PRRC2B: variants seen among roughly 807,000 people sequenced by gnomAD.
PRRC2B encodes proline rich coiled-coil 2B, also known as protein PRRC2B.
PRRC2B carries 68 observed loss-of-function variants against 242.3 expected under a neutral mutation model. The ratio of observed to expected loss-of-function variants is 0.28; its 90% CI spans 0.23 to 0.34. The LOEUF (loss-of-function observed/expected upper bound fraction) is 0.34, where lower values mean the gene tolerates loss of function less well. Ranked by LOEUF, PRRC2B falls within the 10% of genes least tolerant of loss-of-function variation. PRRC2B has a pLI of 1.00. For synonymous variants in PRRC2B, 1,228 were observed against 1,173.6 expected (o/e 1.05, Z -0.95); for missense variants, 2,835 against 2,954.8 (o/e 0.96, Z 0.94).
chr9:131,391,930 G>A (rs544038353), upstream of PRRC2B, among the ~76,000 whole-genome samples: 7 of 151,712 alleles, frequency 4.6e-5, no homozygotes, highest in East Asian at 5.8e-4. Context: ...TAGTAGAGAC[G>A]GGGTTTCACC....
At chr9:131,466,137 T>A (rs1370974737) in intron 12 of PRRC2B, among the ~76,000 whole-genome samples, 1 of 152,252 alleles carries the variant, frequency 6.6e-6, no homozygotes, top group Non-Finnish European at 1.5e-5. Context: ...TTAAATAAAC[T>A]CAGATCAGCT....
chr9:131,385,926 C>T (rs1836821008), intron 1 of PRRC2B, among the ~76,000 whole-genome samples: 1 of 150,356 alleles, frequency 6.7e-6, no homozygotes, highest in Admixed American at 6.9e-5. Flanking sequence ...ATCTCCTGAC[C>T]TCGTGATCCG....
At chr9:131,383,692 G>A (rs1283752841) in intron 1 of PRRC2B, among the ~76,000 whole-genome samples, 2 of 150,118 alleles carry the variant, frequency 1.3e-5, no homozygotes, top group Non-Finnish European at 1.5e-5. Flanking sequence ...CTCGATCTCG[G>A]CTTACTGCAA....
In PRRC2B at chr9:131,444,275, A is replaced by T. The variant is rs1838713007; in HGVS notation, c.560A>T (p.Glu187Val). The T allele has an allele frequency of 6.2e-7, 1 of 1,613,760 alleles. No homozygotes were observed. The highest frequency in any genetic ancestry group is 1.7e-5 in the Admixed American group (1 of 59,978). The change falls in exon 6 of 32, where the codon GAA (glutamate) becomes GTA (valine). Residue 187 changes from glutamate (E) to valine (V), a missense_variant. Physicochemically the swap from Glu to Val is moderately radical, Grantham distance 121. Transcript: ENST00000683519. ...GGAGGGCAGGACAAGGCTGGCAAAG[A>T]AAAGGGCGTCTTAGATCTGTCGTAT... ...AAGGQDKAGK[E>V]KGVLDLSYGP... is the part of the protein sequence containing the mutation.
At position 131,394,141 on chromosome 9, in the gene PRRC2B, G is replaced by GGAGC. The variant is rs886472596; in HGVS notation, c.-161_-158dup. The GGAGC allele has an allele frequency of 2.3e-4, 34 of 149,314 alleles. 1 individual carries two copies. The highest frequency in any genetic ancestry group is 5.3e-4 in the South Asian group (3 of 5,652). 9.2% of individuals were successfully genotyped at this position (149,314 alleles called of 1,614,324 possible). On this transcript the variant is annotated 5_prime_UTR_variant, in exon 1 of 32. Coordinates refer to ENST00000683519, the MANE Select transcript of PRRC2B (RefSeq NM_013318.4). The stretch of plus-strand genomic sequence containing the variant: ...GACGAGCGAGCCCGGGAGGAGGGAG[G>GGAGC]GAGCGAGCGAGCGAGCAGCCCGCGC...
intron 1 of PRRC2B, among the ~76,000 whole-genome samples, chr9:131,412,729 CAA>C (rs1374139174): frequency 1.3e-5 from 2 of 151,316 alleles, no homozygotes; most frequent in Non-Finnish European, 2.9e-5. Context: ...CAGAAATTGA[CAA>C]ACTCATTCTG....
chr9:131,459,649 C>T (rs1213541102), intron 11 of PRRC2B, among the ~76,000 whole-genome samples: 3 of 151,932 alleles, frequency 2.0e-5, no homozygotes, highest in Non-Finnish European at 4.4e-5. Context: ...AAGCGATCCT[C>T]CCACCTCAGC....
In PRRC2B at chr9:131,492,212, A is replaced by G. The variant is rs1944215409; in HGVS notation, c.6425A>G (p.Lys2142Arg). The part of the protein sequence containing the change: ...EMKGFHFADS[K>R]QNVPSGGPVP... ...AAAGGCTTCCACTTTGCCGACAGTAAACAGAATGTCCCTTCAGGAGGCCCC... is the reference window on the plus strand; with the variant it reads ...AAAGGCTTCCACTTTGCCGACAGTAGACAGAATGTCCCTTCAGGAGGCCCC... Residue 2142 changes from lysine (K) to arginine (R), a missense_variant, in exon 30 of 32, where the codon AAA becomes AGA. By Grantham distance (26) the Lys-to-Arg change is conservative (BLOSUM62 2). Around this residue, in one of 7 missense-constraint regions of PRRC2B, gnomAD observed 574 missense variants for 626.0 expected, o/e 0.92. Transcript: ENST00000683519. The G allele has an allele frequency of 6.2e-7, 1 of 1,613,878 alleles. No individual in the cohort carries two copies.
chr9:131,462,574 T>C (rs987392029), intron 11 of PRRC2B, among the ~76,000 whole-genome samples: 9 of 148,794 alleles, frequency 6.0e-5, no homozygotes, highest in African/African-American at 2.2e-4. Flanking sequence ...CCGCAGTGGC[T>C]CACACCTGTA....
At chr9:131,490,584 C>T (rs1403971971) in intron 28 of PRRC2B, 1 of 519,110 alleles carries the variant, frequency 1.9e-6, no homozygotes, top group South Asian at 1.4e-5. Context: ...AAAAGTGGCC[C>T]AGCCCCCCTA....
intron 9 of PRRC2B, among the ~76,000 whole-genome samples, chr9:131,452,184 C>G (rs1225286128): frequency 6.6e-6 from 1 of 152,100 alleles, no homozygotes; most frequent in East Asian, 1.9e-4. Context: ...GTCTCTCTCA[C>G]TTTGTCACCC....
At chr9:131,393,166 A>C (rs1221099738), upstream of PRRC2B, among the ~76,000 whole-genome samples, 5 of 152,198 alleles carry the variant, frequency 3.3e-5, no homozygotes, top group Non-Finnish European at 4.4e-5. Flanking sequence ...CCTGTGAATT[A>C]GAACAATAAT....
In PRRC2B at chr9:131,474,056, G is replaced by A. The variant is rs529557686; in HGVS notation, c.2324+332G>A. On this transcript the variant is annotated intron_variant, in intron 15 of 31. Transcript: ENST00000683519. ...GCTCATTTCTGTGGAAGTAAACAGA[G>A]TTAGCCCTGCCACCCCCATAGCCCC... Among the ~76,000 whole-genome samples, 54 of 152,288 alleles carry A rather than the reference G, an allele frequency of 3.5e-4. No individual in the cohort carries two copies. The South Asian group carries it at 0.01, about 29-fold the overall frequency.
chr9:131,473,319 ATG>A (rs566046437), intron 14 of PRRC2B, among the ~76,000 whole-genome samples, 187 bp from the exon 15 acceptor site: 3 of 152,244 alleles, frequency 2.0e-5, no homozygotes, highest in Non-Finnish European at 4.4e-5. Context: ...GGCAGGGTGC[ATG>A]TGTGTGTGCC....
At chr9:131,393,325 T>C (rs541278899), upstream of PRRC2B, among the ~76,000 whole-genome samples, 1 of 152,238 alleles carries the variant, frequency 6.6e-6, no homozygotes, top group Non-Finnish European at 1.5e-5. Context: ...TATTTGCTTT[T>C]TGAAATTGCT....
At chr9:131,395,090 C>T (rs1837009171) in intron 1 of PRRC2B, among the ~76,000 whole-genome samples, 3 of 151,420 alleles carry the variant, frequency 2.0e-5, no homozygotes, top group Admixed American at 6.6e-5. Flanking sequence ...TTCTTTTTTC[C>T]TCCTTCTAAA....
Position 131,487,841 on chromosome 9 carries a change from G to T in PRRC2B, c.5985-15G>T, listed in dbSNP as rs560905662. On this transcript the variant is annotated splice_polypyrimidine_tract_variant and intron_variant, in intron 27 of 31. Transcript: ENST00000683519. This position sits in a 1 kb window ranked among gnomAD's most constrained non-coding sequence, Gnocchi z 5.3. Reference sequence around the variant, plus strand: ...CTCATCCACCTGATCCCGACCATCTGTCTGGCTTTTGCAGATCTCAGGTGT... The same window carrying T: ...CTCATCCACCTGATCCCGACCATCTTTCTGGCTTTTGCAGATCTCAGGTGT... 2.5e-6 allele frequency: 4 copies of T among 1,599,252 alleles called. No homozygotes were observed. In the South Asian group the frequency reaches 3.3e-5, roughly 13 times the overall value.
chr9:131,374,662 G>C (rs377526634), intron 1 of PRRC2B, among the ~76,000 whole-genome samples: 1 of 151,924 alleles, frequency 6.6e-6, no homozygotes, highest in East Asian at 1.9e-4. Context: ...AGTAGTTTGG[G>C]ATTATAGGCA....
intron 1 of PRRC2B, among the ~76,000 whole-genome samples, chr9:131,397,855 C>T (rs558445717): frequency 1.6e-4 from 25 of 152,252 alleles, no homozygotes; most frequent in African/African-American, 6.0e-4. Context: ...CAAAAAACAA[C>T]ATTTCCAGCA....
Sources: allele counts gnomAD v4.1 joint callset (sites outside exome capture counted in the v4.1 genomes callset), GRCh38; gene constraint gnomAD v4.1.1; regional missense constraint gnomAD v4.1.1; non-coding constraint Gnocchi (gnomAD v3.1); transcripts MANE v1.5; gene names NCBI Gene and HGNC (gene_info 2026-07-23, HGNC 2026-07-21).